ANKMY1: variants seen among roughly 807,000 people sequenced by gnomAD.
The protein encoded by ANKMY1 is ankyrin repeat and MYND domain containing 1, also known as ankyrin repeat and MYND domain-containing protein 1.
ANKMY1 carries 98 observed loss-of-function variants against 102.0 expected under a neutral mutation model. The observed-to-expected ratio is 0.96, with a 90% CI of 0.82 to 1.14. ANKMY1 has a LOEUF of 1.14. ANKMY1 is among the 50% of genes most tolerant of loss of function. The pLI is 0.00. For synonymous variants in ANKMY1, 582 were observed against 559.9 expected (o/e 1.04, Z -0.56); for missense variants, 1,330 against 1,347.6 (o/e 0.99, Z 0.20).
In ANKMY1 at chr2:240,529,285, C is replaced by T. The variant is rs763403602; in HGVS notation, c.705G>A (p.Glu235=). ...EEEKTEWGLQ[E]GQDPFFYDYK... ...AGTCATAGAAAAAGGGATCCTGTCC[C>T]TCCTGCAGTCCCCACTCCGTTTTCT... Residue 235 remains glutamate, a synonymous_variant, in exon 5 of 18, where the codon GAG becomes GAA. Coordinates refer to ENST00000401804, the MANE Select transcript of ANKMY1 (RefSeq NM_001282771.3). This position sits in a 1 kb window ranked among gnomAD's most constrained non-coding sequence, Gnocchi z 4.2. 6.2e-7 allele frequency: 1 copy of T among 1,614,206 alleles called. No individual in the cohort carries two copies. The highest frequency in any genetic ancestry group is 8.5e-7 in the Non-Finnish European group (1 of 1,180,048).
chr2:240,554,409 G>C (rs1300754120), intron 3 of ANKMY1: 4 of 158,482 alleles, frequency 2.5e-5, no homozygotes, highest in Non-Finnish European at 4.2e-5. Context: ...CTTACCCCTG[G>C]ACTTTCCATG....
intron 10 of ANKMY1, among the ~76,000 whole-genome samples, chr2:240,512,387 G>A (rs2080383656): frequency 6.6e-6 from 1 of 152,244 alleles, no homozygotes; most frequent in African/African-American, 2.4e-5. Context: ...TGCGGCCCAT[G>A]ACTGGGGGTC....
intron 12 of ANKMY1, 100 bp from the exon 13 acceptor site, chr2:240,507,791 A>T: frequency 7.2e-7 from 1 of 1,387,414 alleles, no homozygotes. Context: ...AACCCCTGAA[A>T]GCAGGGGCTT....
chr2:240,516,444 T>C (rs886896058), intron 9 of ANKMY1, among the ~76,000 whole-genome samples: 1 of 152,236 alleles, frequency 6.6e-6, no homozygotes, highest in Non-Finnish European at 1.5e-5. Context: ...GTTATATGTA[T>C]ACAGATACGT....
intron 4 of ANKMY1, among the ~76,000 whole-genome samples, chr2:240,546,599 C>A (rs2090427589): frequency 1.3e-5 from 2 of 152,122 alleles, no homozygotes; most frequent in Admixed American, 1.3e-4. Flanking sequence ...CATCAGTGTG[C>A]TGTATTCAGG....
intron 9 of ANKMY1, among the ~76,000 whole-genome samples, chr2:240,518,683 T>C (rs528448782): frequency 1.3e-5 from 2 of 152,326 alleles, no homozygotes; most frequent in Non-Finnish European, 2.9e-5. Context: ...AAATAATACA[T>C]TCCTGATCAG....
intron 13 of ANKMY1, among the ~76,000 whole-genome samples, chr2:240,504,501 A>T (rs1265001187): frequency 6.6e-6 from 1 of 152,244 alleles, no homozygotes. Flanking sequence ...ACTTTTGTAT[A>T]TCAAAATATT....
At chr2:240,539,156 C>T (rs2087857682) in intron 4 of ANKMY1, among the ~76,000 whole-genome samples, 1 of 152,122 alleles carries the variant, frequency 6.6e-6, no homozygotes. Context: ...TTCTTTCGCT[C>T]TTTGCAATAC....
At chr2:240,481,141 T>A in intron 16 of ANKMY1, 44 bp from the exon 17 acceptor site, 4 of 1,585,300 alleles carry the variant, frequency 2.5e-6, no homozygotes, top group Non-Finnish European at 3.4e-6. Context: ...CTCCAGAACC[T>A]GCTTCCCCAC....
At chr2:240,536,644 A>G (rs1288503129) in intron 4 of ANKMY1, among the ~76,000 whole-genome samples, 1 of 152,264 alleles carries the variant, frequency 6.6e-6, no homozygotes, top group East Asian at 1.9e-4. Flanking sequence ...GAGCAGTAAC[A>G]TAAGATGTAT....
At position 240,499,352 on chromosome 2, in the gene ANKMY1, G is replaced by A. The variant is rs1311814462; in HGVS notation, c.2806+606C>T. On this transcript the variant is annotated intron_variant, in intron 15 of 17. Transcript: ENST00000401804. The surrounding 1 kb of genome is among the most constrained non-coding windows in gnomAD (Gnocchi z 4.2). The stretch of plus-strand genomic sequence containing the variant: ...GGAACATGAGGGGGTATGTGGGGGT[G>A]GGGGTGAGTAGGTGGGTGGGGATGT... 7.0e-6 allele frequency among the ~76,000 whole-genome samples: 1 copy of A among 143,310 alleles called. No individual in the cohort carries two copies. The highest frequency in any genetic ancestry group is 2.6e-5 in the African/African-American group (1 of 38,364). The allele number at this position is 143,310 out of a possible 152,430, so 94.0% of individuals were successfully genotyped here.
At chr2:240,512,679 G>T (rs926983310) in intron 10 of ANKMY1, 123 bp downstream of exon 10, 2 of 1,316,462 alleles carry the variant, frequency 1.5e-6, no homozygotes, top group Non-Finnish European at 1.0e-6. Flanking sequence ...GATTTCCACT[G>T]CCCAGGCCCC....
At chr2:240,537,701 T>C (rs776990420) in intron 4 of ANKMY1, among the ~76,000 whole-genome samples, 6 of 152,238 alleles carry the variant, frequency 3.9e-5, no homozygotes, top group African/African-American at 7.2e-5. Context: ...ATGTCTATAA[T>C]GGTGTCAAAT....
At chr2:240,560,774 C>T, upstream of ANKMY1, 1 of 1,455,688 alleles carries the variant, frequency 6.9e-7, no homozygotes, top group South Asian at 1.3e-5. Flanking sequence ...TCCTCGGGAG[C>T]GCGCGAGCCG....
At chr2:240,500,196 G>C (rs922450440) in intron 14 of ANKMY1, 73 bp from the exon 15 acceptor site, 5 of 1,465,718 alleles carry the variant, frequency 3.4e-6, no homozygotes, top group Non-Finnish European at 4.5e-6. Context: ...CTCGGTGATC[G>C]AGGGCTCCTG....
At chr2:240,485,584 C>CT (rs201255082) in intron 15 of ANKMY1, among the ~76,000 whole-genome samples, 62 of 146,758 alleles carry the variant, frequency 4.2e-4, no homozygotes, top group East Asian at 8.0e-4. Context: ...CATGAATCTT[C>CT]TTTTTTTTTT....
intron 4 of ANKMY1, among the ~76,000 whole-genome samples, chr2:240,531,056 T>C (rs2085266503): frequency 6.6e-6 from 1 of 151,538 alleles, no homozygotes; most frequent in Non-Finnish European, 1.5e-5. Context: ...CATAAGAACA[T>C]AAATAACCCA....
intron 4 of ANKMY1, among the ~76,000 whole-genome samples, chr2:240,537,419 T>G (rs988969323): frequency 6.6e-6 from 1 of 152,240 alleles, no homozygotes; most frequent in African/African-American, 2.4e-5. Context: ...GAATTTCCCC[T>G]TTTCCTTTAA....
intron 4 of ANKMY1, among the ~76,000 whole-genome samples, chr2:240,538,472 C>G (rs1056063217): frequency 1.1e-4 from 16 of 152,282 alleles, no homozygotes; most frequent in Non-Finnish European, 2.1e-4. Context: ...TGCCAGCCCG[C>G]CAGCGCTGCA....
Sources: gnomAD v4.1 joint callset for allele counts (sites outside exome capture counted in the v4.1 genomes callset) on GRCh38, gnomAD v4.1.1 for gene constraint, Gnocchi (gnomAD v3.1) non-coding constraint, MANE v1.5 for transcripts, NCBI Gene and HGNC (gene_info 2026-07-23, HGNC 2026-07-21) for gene names.